The following AUTS2 variants were observed in gnomAD, a reference collection of about 807,000 sequenced individuals.
The protein encoded by AUTS2 is autism susceptibility gene 2 protein.
In AUTS2, 17 loss-of-function variants were observed where a neutral mutation model predicts 112.4. The observed-to-expected ratio is 0.15, with a 90% CI of 0.10 to 0.23. The LOEUF (loss-of-function observed/expected upper bound fraction) is 0.23, where lower values mean the gene tolerates loss of function less well. AUTS2 is among the 10% of genes least tolerant of loss of function. The pLI, the probability that AUTS2 is intolerant of heterozygous loss-of-function variation, is 1.00. For missense variants in AUTS2, 1,510 were observed against 1,701.6 expected, an observed-to-expected ratio of 0.89 and a Z score of 1.98; for synonymous variants, 751 against 702.7, an observed-to-expected ratio of 1.07 and a Z score of -1.09.
At chr7:69,657,838 G>T (rs1454018766) in intron 1 of AUTS2, among the ~76,000 whole-genome samples, 1 of 152,178 alleles carries the variant, frequency 6.6e-6, no homozygotes, top group Non-Finnish European at 1.5e-5. Context: ...ACATTGTTCT[G>T]TAATTGTTGG....
chr7:70,362,633 T>C (rs999733154), intron 4 of AUTS2, among the ~76,000 whole-genome samples: 3 of 151,034 alleles, frequency 2.0e-5, no homozygotes, highest in African/African-American at 7.3e-5. Flanking sequence ...CCTCCCTCTC[T>C]CCTTCCTCCC....
At chr7:69,803,897 T>A (rs1050794468) in intron 1 of AUTS2, among the ~76,000 whole-genome samples, 1 of 152,144 alleles carries the variant, frequency 6.6e-6, no homozygotes, top group Non-Finnish European at 1.5e-5. Context: ...CCAGGCGTGG[T>A]TCCAGGCACC....
chr7:70,468,956 G>A (rs574285042), intron 5 of AUTS2, among the ~76,000 whole-genome samples: 38 of 152,170 alleles, frequency 2.5e-4, no homozygotes, highest in Non-Finnish European at 7.3e-5. Context: ...GTTGATGGTC[G>A]CTCTACAGTT....
intron 6 of AUTS2, among the ~76,000 whole-genome samples, chr7:70,712,498 G>A (rs1053474508): frequency 1.6e-4 from 25 of 152,200 alleles, no homozygotes; most frequent in Non-Finnish European, 2.5e-4. Context: ...GGTCTAGACC[G>A]GTGGTTCTCA....
rs976624100 is a variant in AUTS2 at position 69,811,842 on chromosome 7, C to T, written c.310-87444C>T. Among the ~76,000 whole-genome samples, 25 of 152,284 alleles carry T rather than the reference C, an allele frequency of 1.6e-4. 1 individual carries two copies. The highest frequency in any genetic ancestry group is 3.4e-3 in the Middle Eastern group (1 of 294). ...TTTCTGTGTGTTTTCCCTCTGGATT[C>T]GGAGCCCCTGGAGGGCAAAGACTAT... On this transcript the variant is annotated intron_variant, in intron 1 of 18. Transcript: ENST00000342771.
intron 5 of AUTS2, among the ~76,000 whole-genome samples, chr7:70,629,300 G>A (rs535478918): frequency 1.6e-4 from 24 of 152,142 alleles, no homozygotes; most frequent in African/African-American, 5.1e-4. Flanking sequence ...GTGAAACCTC[G>A]TCTCTACTAA....
intron 4 of AUTS2, among the ~76,000 whole-genome samples, chr7:70,373,192 G>A (rs1052168025): frequency 6.6e-6 from 1 of 151,844 alleles, no homozygotes; most frequent in African/African-American, 2.4e-5. Context: ...TCTGTGGGAG[G>A]GGCCAGGACA....
intron 5 of AUTS2, among the ~76,000 whole-genome samples, chr7:70,603,216 C>CCTTTT (rs1161373313): frequency 8.4e-6 from 1 of 118,850 alleles, no homozygotes; most frequent in African/African-American, 3.0e-5. Context: ...ACCCCATTTT[C>CCTTTT]CTTTTCTTTT....
At chr7:69,968,802 T>C (rs560877320) in intron 2 of AUTS2, among the ~76,000 whole-genome samples, 1 of 152,172 alleles carries the variant, frequency 6.6e-6, no homozygotes, top group African/African-American at 2.4e-5. Context: ...TCCATTCACC[T>C]AGTTTAAAAA....
chr7:69,687,104 A>T (rs1202913528), intron 1 of AUTS2, among the ~76,000 whole-genome samples: 1 of 152,226 alleles, frequency 6.6e-6, no homozygotes, highest in Non-Finnish European at 1.5e-5. Flanking sequence ...TCTTAACCAT[A>T]ACACATACAA....
intron 2 of AUTS2, among the ~76,000 whole-genome samples, chr7:70,046,830 CTCTTAA>C (rs1353935681): frequency 1.3e-5 from 2 of 152,084 alleles, no homozygotes; most frequent in Non-Finnish European, 2.9e-5. Context: ...AGATGATGAC[CTCTTAA>C]TCTTGTGTCC....
rs1805257345 is a variant in AUTS2, at chr7:70,631,513, T to TCGCAACCTAGAATGTGGGCTGGAGAG, written c.691-67052_691-67027dup. 6.6e-6 allele frequency among the ~76,000 whole-genome samples: 1 copy of TCGCAACCTAGAATGTGGGCTGGAGAG among 151,912 alleles called. No individual in the cohort carries two copies. Among genetic ancestry groups the TCGCAACCTAGAATGTGGGCTGGAGAG allele is most frequent in the Non-Finnish European group, 1.5e-5 (1 of 67,970 alleles). On this transcript the variant is annotated intron_variant, in intron 5 of 18. Coordinates refer to ENST00000342771, the MANE Select transcript of AUTS2 (RefSeq NM_015570.4). This position sits in a 1 kb window ranked among gnomAD's most constrained non-coding sequence, Gnocchi z 4.5. ...TTCTGAACCGTGGGGGACGGGGTGG[T>TCGCAACCTAGAATGTGGGCTGGAGAG]CGCAACCTAGAATGTGGGCTGGAGA...
At chr7:69,661,512 C>T (rs911119268) in intron 1 of AUTS2, among the ~76,000 whole-genome samples, 2 of 152,128 alleles carry the variant, frequency 1.3e-5, no homozygotes, top group Non-Finnish European at 2.9e-5. Context: ...GTGGTTGTTT[C>T]TTATGTCGTA....
At chr7:70,547,635 A>G (rs1585285592) in intron 5 of AUTS2, among the ~76,000 whole-genome samples, 1 of 152,088 alleles carries the variant, frequency 6.6e-6, no homozygotes, top group East Asian at 1.9e-4. Context: ...TTTATCCATA[A>G]TTTGTTTCCG....
At chr7:70,294,991 C>T (rs575454420) in intron 4 of AUTS2, among the ~76,000 whole-genome samples, 5 of 152,272 alleles carry the variant, frequency 3.3e-5, no homozygotes, top group East Asian at 1.9e-4. Flanking sequence ...CTACTCACTT[C>T]GAAATGATTT....
chr7:70,545,308 G>A (rs921222421), intron 5 of AUTS2, among the ~76,000 whole-genome samples: 5 of 152,202 alleles, frequency 3.3e-5, no homozygotes, highest in Admixed American at 2.6e-4. Flanking sequence ...AAAGCAGCTG[G>A]GCTGCGGGCA....
intron 1 of AUTS2, among the ~76,000 whole-genome samples, chr7:69,815,284 G>A (rs1438929120): frequency 6.6e-6 from 1 of 151,776 alleles, no homozygotes; most frequent in African/African-American, 2.4e-5. Context: ...TGAAATTGGG[G>A]GTTTTCTCCC....
chr7:69,689,365 T>G (rs1412713319), intron 1 of AUTS2, among the ~76,000 whole-genome samples: 1 of 132,066 alleles, frequency 7.6e-6, no homozygotes, highest in African/African-American at 3.1e-5. Flanking sequence ...TTTTTTTTTT[T>G]TTTGAGACGG....
At chr7:70,668,365 G>A (rs1807457420) in intron 5 of AUTS2, among the ~76,000 whole-genome samples, 1 of 152,204 alleles carries the variant, frequency 6.6e-6, no homozygotes, top group Admixed American at 6.5e-5. Context: ...TTGCACAGAA[G>A]ACTCTCATCA....
Sources: allele counts gnomAD v4.1 joint callset (sites outside exome capture counted in the v4.1 genomes callset), GRCh38; gene constraint gnomAD v4.1.1; non-coding constraint Gnocchi (gnomAD v3.1); transcripts MANE v1.5; gene names NCBI Gene and HGNC (gene_info 2026-07-23, HGNC 2026-07-21).